KIF5C: variants seen among roughly 807,000 people sequenced by gnomAD.
KIF5C encodes the protein kinesin family member 5C, also known as kinesin heavy chain isoform 5C.
In KIF5C, 18 loss-of-function variants were observed where a neutral mutation model predicts 125.2. That is an observed-to-expected ratio of 0.14 (90% CI 0.10 to 0.21). KIF5C has a LOEUF of 0.21. Ranked by LOEUF, KIF5C falls within the 10% of genes least tolerant of loss-of-function variation. The pLI is 1.00. For synonymous variants in KIF5C, 405 were observed against 434.0 expected, an observed-to-expected ratio of 0.93 and a Z score of 0.83; for missense variants, 780 against 1,183.8, an observed-to-expected ratio of 0.66 and a Z score of 5.01.
At chr2:149,012,181 CT>C (rs1165636481) in intron 25 of KIF5C, among the ~76,000 whole-genome samples, 1 of 152,154 alleles carries the variant, frequency 6.6e-6, no homozygotes, top group Non-Finnish European at 1.5e-5. Flanking sequence ...GTCCAGGATG[CT>C]TTTTTCTTTG....
At chr2:148,934,870 A>T (rs1357127114) in intron 3 of KIF5C, among the ~76,000 whole-genome samples, 1 of 151,068 alleles carries the variant, frequency 6.6e-6, no homozygotes, top group Non-Finnish European at 1.5e-5. Flanking sequence ...CACATCACAC[A>T]TCCATATGCT....
rs868078018 is a variant in KIF5C, at chr2:149,024,247, C to G, written c.*1177C>G. On this transcript the variant is annotated 3_prime_UTR_variant, in exon 26 of 26. Coordinates refer to ENST00000435030, the MANE Select transcript of KIF5C (RefSeq NM_004522.3). ...ACATGAATCTAAAGCTGAATCAACC[C>G]TTACTTCCAGTTGTGCTTATTAAGA... The G allele has an allele frequency of 1.3e-5, 2 of 152,684 alleles. No homozygotes were observed. The highest frequency in any genetic ancestry group is 3.4e-3 in the Middle Eastern group (1 of 294). The allele number at this position is 152,684 out of a possible 1,614,324, so 9.5% of individuals were successfully genotyped here.
At chr2:148,945,521 A>T (rs1316971495) in intron 7 of KIF5C, among the ~76,000 whole-genome samples, 1 of 151,936 alleles carries the variant, frequency 6.6e-6, no homozygotes, top group Non-Finnish European at 1.5e-5. Context: ...TCAATACCAC[A>T]CTGTTTTGAT....
intron 7 of KIF5C, among the ~76,000 whole-genome samples, chr2:148,944,465 C>G (rs1049434153): frequency 1.3e-5 from 2 of 152,202 alleles, no homozygotes; most frequent in African/African-American, 2.4e-5. Context: ...CATGTGGTAG[C>G]AAGTGTCCTT....
At chr2:148,941,800 C>G in intron 5 of KIF5C, 135 bp from the exon 6 acceptor site, 1 of 1,447,354 alleles carries the variant, frequency 6.9e-7, no homozygotes, top group Non-Finnish European at 9.2e-7. Flanking sequence ...TGTTTATTCT[C>G]AGCCAAGGCT....
rs758043930 is a variant in KIF5C at position 149,011,608 on chromosome 2, C to G, written c.2806C>G (p.Pro936Ala). 1.2e-6 allele frequency: 2 copies of G among 1,614,078 alleles called. No homozygotes were observed. The highest frequency in any genetic ancestry group is 2.2e-5 in the South Asian group (2 of 91,084). The change falls in exon 25 of 26, where the codon CCA becomes GCA. Residue 936 changes from proline to alanine, a missense_variant. This residue lies in a region of KIF5C where 573 missense variants were observed against 742.6 expected (regional missense o/e 0.77). Coordinates refer to ENST00000435030, the MANE Select transcript of KIF5C (RefSeq NM_004522.3). ...IRPGHYPASS[P>A]TAVHAIRGGG... ...CCCCGGACACTACCCGGCCTCATCT[C>G]CAACGGCCGTCCATGCCATTCGAGG...
At chr2:148,886,606 G>A (rs995989827) in intron 1 of KIF5C, among the ~76,000 whole-genome samples, 7 of 152,020 alleles carry the variant, frequency 4.6e-5, no homozygotes. Flanking sequence ...AGGCTGTTAG[G>A]GGAGGCTTCT....
chr2:149,000,524 T>TTAGA lies in KIF5C; in HGVS notation c.2312_2312+1insTAGA (p.Leu771PhefsTer7). 1 of 1,561,630 alleles carries TTAGA rather than the reference T, an allele frequency of 6.4e-7. No individual in the cohort carries two copies. The highest frequency in any genetic ancestry group is 1.2e-5 in the South Asian group (1 of 85,530). ...AGAGAAATGAAGCTGGAAAAGCTCT[T>TTAGA]GTGAGTGCACTCTAAATATTTCCTC... is the stretch of plus-strand genomic sequence containing the variant. On this transcript the variant is annotated frameshift_variant and splice_region_variant. Coordinates refer to ENST00000435030, the MANE Select transcript of KIF5C (RefSeq NM_004522.3). LOFTEE classifies it high-confidence loss of function.
chr2:148,941,407 A>G (rs1682403189), intron 4 of KIF5C, among the ~76,000 whole-genome samples: 2 of 148,062 alleles, frequency 1.4e-5, no homozygotes, highest in South Asian at 4.3e-4. Context: ...GTAGGTGGAG[A>G]GTGGTCCACA....
chr2:148,965,847 TGATTTGTG>T (rs1683037412), intron 11 of KIF5C, among the ~76,000 whole-genome samples: 1 of 152,158 alleles, frequency 6.6e-6, no homozygotes, highest in Non-Finnish European at 1.5e-5. Flanking sequence ...GTTAGCAGAA[TGATTTGTG>T]GGCAGGGCCA....
intron 19 of KIF5C, chr2:149,000,201 T>C: frequency 2.2e-6 from 1 of 454,632 alleles, no homozygotes; most frequent in Non-Finnish European, 3.8e-6. Context: ...AAATACATCC[T>C]CAAAGCCTTA....
At chr2:148,964,806 CAGG>C (rs905835261) in intron 11 of KIF5C, among the ~76,000 whole-genome samples, 34 of 152,170 alleles carry the variant, frequency 2.2e-4, no homozygotes, top group African/African-American at 7.9e-4. Flanking sequence ...CTCCTGTCTT[CAGG>C]ATTTTGGTCA....
intron 8 of KIF5C, chr2:148,947,959 A>T (rs1215572044): frequency 2.2e-6 from 1 of 456,622 alleles, no homozygotes; most frequent in South Asian, 1.5e-5. Flanking sequence ...ACTTACATCC[A>T]CGTGAGTAAT....
intron 1 of KIF5C, among the ~76,000 whole-genome samples, chr2:148,890,904 T>C (rs543864442): frequency 2.0e-5 from 3 of 152,312 alleles, no homozygotes; most frequent in African/African-American, 7.2e-5. Flanking sequence ...ATTTAATTAA[T>C]AGTTGGAGGA....
intron 12 of KIF5C, among the ~76,000 whole-genome samples, chr2:148,976,801 G>C (rs544998566): frequency 6.7e-6 from 1 of 148,534 alleles, no homozygotes; most frequent in Non-Finnish European, 1.5e-5. Flanking sequence ...GGCTGGTCTC[G>C]GACTCCTGGG....
chr2:148,987,711 G>A (rs2105167917), intron 15 of KIF5C, among the ~76,000 whole-genome samples: 1 of 152,136 alleles, frequency 6.6e-6, no homozygotes, highest in South Asian at 2.1e-4. Flanking sequence ...GTATTTCTTG[G>A]GGCCTACCTT....
intron 10 of KIF5C, among the ~76,000 whole-genome samples, chr2:148,955,313 A>G (rs1682765540): frequency 6.6e-6 from 1 of 152,218 alleles, no homozygotes; most frequent in African/African-American, 2.4e-5. Flanking sequence ...GTTGCTGTGA[A>G]GGTACTTTGT....
intron 25 of KIF5C, among the ~76,000 whole-genome samples, chr2:149,012,303 G>A (rs73011361): frequency 0.046 from 6,952 of 152,308 alleles, 400 homozygotes; most frequent in African/African-American, 0.13. Context: ...GAAGCAGAGA[G>A]CGAAAACTGT....
intron 1 of KIF5C, chr2:148,888,186 A>G (rs1313435820): frequency 6.6e-6 from 1 of 152,084 alleles, no homozygotes; most frequent in African/African-American, 2.4e-5. Context: ...GGCCCCGGGA[A>G]GGTGCTCCAG....
Sources: gnomAD v4.1 joint callset for allele counts (sites outside exome capture counted in the v4.1 genomes callset) on GRCh38, gnomAD v4.1.1 for gene constraint, gnomAD v4.1.1 regional missense constraint, MANE v1.5 for transcripts, NCBI Gene and HGNC (gene_info 2026-07-23, HGNC 2026-07-21) for gene names.